The following MTHFD2L variants were observed in gnomAD, a reference collection of about 807,000 sequenced individuals.
MTHFD2L encodes the protein methylenetetrahydrofolate dehydrogenase (NADP+ dependent) 2 like.
Under a neutral mutation model 34.9 loss-of-function variants are expected in MTHFD2L, and 29 were observed. That is an observed-to-expected ratio of 0.83 (90% CI 0.62 to 1.13). The LOEUF (loss-of-function observed/expected upper bound fraction) is 1.13. Ranked by LOEUF, MTHFD2L falls within the 50% of genes most tolerant of loss-of-function variation. The pLI, the probability that MTHFD2L is intolerant of heterozygous loss-of-function variation, is 0.00. For missense variants in MTHFD2L, 481 were observed against 446.5 expected (o/e 1.08, Z -0.70); for synonymous variants, 167 against 155.7 (o/e 1.07, Z -0.54).
In MTHFD2L at chr4:74,244,706, A is replaced by C. The variant is rs1208824992; in HGVS notation, c.805+19312A>C. Among the ~76,000 whole-genome samples the C allele has an allele frequency of 3.3e-5, 5 of 152,364 alleles. 1 individual carries two copies. Among genetic ancestry groups the C allele is most frequent in the Admixed American group, 2.6e-4 (4 of 15,306 alleles). ...TGGATTTTAGCATTACAGATTATGG[A>C]GTATGAATATTACAGAGTTCATTGA... On this transcript the variant is annotated intron_variant, in intron 6 of 7. Transcript: ENST00000325278.
chr4:74,171,429 G>T (rs1560441319), intron 1 of MTHFD2L, among the ~76,000 whole-genome samples: 2 of 152,150 alleles, frequency 1.3e-5, no homozygotes, highest in Non-Finnish European at 2.9e-5. Context: ...CAGTGTTTTT[G>T]TAACGTAACA....
At chr4:74,121,473 G>A (rs995345508), upstream of MTHFD2L, among the ~76,000 whole-genome samples, 1 of 150,422 alleles carries the variant, frequency 6.6e-6, no homozygotes, top group Non-Finnish European at 1.5e-5. Flanking sequence ...CTGGACATAA[G>A]CAATATACTG....
intron 6 of MTHFD2L, among the ~76,000 whole-genome samples, chr4:74,245,033 A>C (rs1742222128): frequency 6.6e-6 from 1 of 151,970 alleles, no homozygotes; most frequent in Admixed American, 6.5e-5. Context: ...TCTCTACTAA[A>C]AATACAAAAA....
At chr4:74,163,600 GT>G (rs1322303540) in intron 1 of MTHFD2L, among the ~76,000 whole-genome samples, 1 of 152,152 alleles carries the variant, frequency 6.6e-6, no homozygotes, top group East Asian at 1.9e-4. Context: ...GGTACTTGGG[GT>G]ATGAAACAAA....
chr4:74,121,957 G>C (rs1170393499), upstream of MTHFD2L, among the ~76,000 whole-genome samples: 1 of 151,944 alleles, frequency 6.6e-6, no homozygotes, highest in African/African-American at 2.4e-5. Context: ...TATCAAACCT[G>C]TTGAAACCTT....
chr4:74,213,706 G>A (rs890573727), intron 5 of MTHFD2L, among the ~76,000 whole-genome samples: 3 of 152,116 alleles, frequency 2.0e-5, no homozygotes, highest in Non-Finnish European at 4.4e-5. Context: ...TTCTCATGGA[G>A]TATCTTTGTG....
intron 1 of MTHFD2L, among the ~76,000 whole-genome samples, chr4:74,133,087 G>T (rs1722671334): frequency 6.6e-6 from 1 of 152,144 alleles, no homozygotes; most frequent in Non-Finnish European, 1.5e-5. Context: ...TCTAGTAGTG[G>T]TGAATTCTCT....
chr4:74,224,697 CA>C (rs1177572253), intron 5 of MTHFD2L, among the ~76,000 whole-genome samples: 1 of 152,004 alleles, frequency 6.6e-6, no homozygotes, highest in Non-Finnish European at 1.5e-5. Context: ...TAACCTGTGA[CA>C]AAAAAATTTT....
intron 4 of MTHFD2L, 106 bp from the exon 5 acceptor site, chr4:74,201,157 C>G: frequency 2.8e-6 from 2 of 717,564 alleles, no homozygotes; most frequent in Admixed American, 2.7e-5. Context: ...CATAATAATT[C>G]AGATTTAATT....
At chr4:74,245,067 C>G (rs543391203) in intron 6 of MTHFD2L, among the ~76,000 whole-genome samples, 1 of 151,638 alleles carries the variant, frequency 6.6e-6, no homozygotes, top group African/African-American at 2.4e-5. Flanking sequence ...TCGTGGCAGG[C>G]GCCTGTAGTC....
intron 3 of MTHFD2L, among the ~76,000 whole-genome samples, chr4:74,182,093 A>G (rs1560457250): frequency 6.6e-6 from 1 of 152,098 alleles, no homozygotes; most frequent in South Asian, 2.1e-4. Flanking sequence ...TGGTTTCTAA[A>G]TTTTAATTTT....
intron 7 of MTHFD2L, 80 bp downstream of exon 7, chr4:74,281,630 T>G (rs1206218366): frequency 5.8e-6 from 8 of 1,373,444 alleles, no homozygotes; most frequent in Non-Finnish European, 7.9e-6. Flanking sequence ...AGAAGTTTCA[T>G]TTATGGAGGA....
intron 6 of MTHFD2L, among the ~76,000 whole-genome samples, chr4:74,263,752 A>G (rs942214719): frequency 6.6e-6 from 1 of 152,054 alleles, no homozygotes; most frequent in Non-Finnish European, 1.5e-5. Flanking sequence ...TTTTCTAAAT[A>G]TAGGATCATG....
intron 1 of MTHFD2L, among the ~76,000 whole-genome samples, chr4:74,148,598 C>T (rs1166662593): frequency 2.6e-5 from 4 of 151,818 alleles, no homozygotes; most frequent in African/African-American, 9.7e-5. Flanking sequence ...TTCTTGGGCT[C>T]AAGCGATTCA....
At chr4:74,170,000 G>A (rs942989622) in intron 1 of MTHFD2L, among the ~76,000 whole-genome samples, 9 of 152,194 alleles carry the variant, frequency 5.9e-5, no homozygotes, top group Admixed American at 5.9e-4. Flanking sequence ...AACCTTCCCA[G>A]AAAGAAAACC....
intron 6 of MTHFD2L, among the ~76,000 whole-genome samples, chr4:74,270,451 G>A (rs1328120571): frequency 6.6e-6 from 1 of 152,052 alleles, no homozygotes; most frequent in African/African-American, 2.4e-5. Context: ...ACAGTTTGCT[G>A]AGAATGATGG....
At chr4:74,263,937 C>A (rs1325096682) in intron 6 of MTHFD2L, among the ~76,000 whole-genome samples, 1 of 151,846 alleles carries the variant, frequency 6.6e-6, no homozygotes, top group Non-Finnish European at 1.5e-5. Flanking sequence ...ACCATATTAG[C>A]AAACTAAAAC....
chr4:74,158,110 C>T (rs897677213), upstream of MTHFD2L: 3 of 1,530,218 alleles, frequency 2.0e-6, no homozygotes, highest in Non-Finnish European at 2.6e-6. Flanking sequence ...GAGGTGGAGC[C>T]CCAGTCCGGA....
intron 3 of MTHFD2L, among the ~76,000 whole-genome samples, chr4:74,175,646 T>A (rs479496): frequency 1 from 152,091 of 152,164 alleles, 76,009 homozygotes; most frequent in Non-Finnish European, 1. Flanking sequence ...GTAGTATGGG[T>A]CTCTAAAAAT....
Sources: allele counts gnomAD v4.1 joint callset (sites outside exome capture counted in the v4.1 genomes callset), GRCh38; gene constraint gnomAD v4.1.1; transcripts MANE v1.5; gene names NCBI Gene and HGNC (gene_info 2026-07-23, HGNC 2026-07-21).